The following ELAPOR1 variants were observed in gnomAD, a reference collection of about 807,000 sequenced individuals.
ELAPOR1 encodes the protein endosome-lysosome associated apoptosis and autophagy regulator 1, also known as endosome/lysosome-associated apoptosis and autophagy regulator 1.
Under a neutral mutation model 119.7 loss-of-function variants are expected in ELAPOR1, and 77 were observed. The observed-to-expected ratio is 0.64, with a 90% CI of 0.54 to 0.78. The LOEUF is 0.78. Ranked by LOEUF, ELAPOR1 falls within the 30% of genes least tolerant of loss-of-function variation. The probability of loss-of-function intolerance (pLI) is 0.00; values close to 1 mark genes in which losing one functional copy is unlikely to be tolerated. For missense variants in ELAPOR1, 1,115 were observed against 1,270.4 expected, an observed-to-expected ratio of 0.88 and a Z score of 1.86; for synonymous variants, 481 against 487.2, an observed-to-expected ratio of 0.99 and a Z score of 0.17.
At chr1:109,138,834 C>CAAAAAAAAA (rs150398954) in intron 1 of ELAPOR1, among the ~76,000 whole-genome samples, 56 of 107,240 alleles carry the variant, frequency 5.2e-4, no homozygotes, top group African/African-American at 6.8e-4. Flanking sequence ...AACTCCATCT[C>CAAAAAAAAA]AAAAAAAAAA....
intron 5 of ELAPOR1, among the ~76,000 whole-genome samples, chr1:109,172,855 G>A (rs1266545500): frequency 6.6e-6 from 1 of 152,152 alleles, no homozygotes; most frequent in Non-Finnish European, 1.5e-5. Context: ...AGCACTTTGG[G>A]AGGTCGAGGC....
chr1:109,199,578 C>T lies in ELAPOR1; in HGVS notation c.2502-276C>T, dbSNP rs551660558. Among the ~76,000 whole-genome samples the T allele has an allele frequency of 4.6e-5, 7 of 152,312 alleles. No homozygotes were observed. In the South Asian group the frequency reaches 1.0e-3, roughly 23 times the overall value. On this transcript the variant is annotated intron_variant, in intron 18 of 21. Transcript: ENST00000369939. ...CAAAGGGGTTGATGAGACAGCCATG[C>T]TGGAGCTCAGACACCTTACAATAGC...
chr1:109,168,455 A>G (rs550650190), intron 3 of ELAPOR1, among the ~76,000 whole-genome samples: 116 of 152,296 alleles, frequency 7.6e-4, no homozygotes, highest in African/African-American at 2.7e-3. Context: ...ATAATTGGGG[A>G]CAAAACAGAC....
chr1:109,171,214 G>A (rs1207627720), intron 3 of ELAPOR1, among the ~76,000 whole-genome samples: 3 of 152,190 alleles, frequency 2.0e-5, no homozygotes, highest in South Asian at 2.1e-4. Flanking sequence ...TATAAAGCAC[G>A]TAGTTCAATT....
chr1:109,157,947 G>C (rs974626174), intron 1 of ELAPOR1, among the ~76,000 whole-genome samples: 1 of 152,156 alleles, frequency 6.6e-6, no homozygotes, highest in Non-Finnish European at 1.5e-5. Context: ...GAATGTAGTG[G>C]TACAATCACG....
intron 1 of ELAPOR1, among the ~76,000 whole-genome samples, chr1:109,157,517 G>A (rs1164676827): frequency 6.6e-6 from 1 of 152,140 alleles, no homozygotes; most frequent in East Asian, 1.9e-4. Flanking sequence ...CAAGACTTGA[G>A]CTAGATTTCA....
rs368348180 is a variant in ELAPOR1 at position 109,189,650 on chromosome 1, C to A, written c.1407C>A (p.Phe469Leu). The A allele has an allele frequency of 1.2e-6, 2 of 1,614,026 alleles. No individual in the cohort carries two copies. The highest frequency in any genetic ancestry group is 2.7e-5 in the African/African-American group (2 of 74,926). The change falls in exon 11 of 22, where the codon TTC (phenylalanine) becomes TTA (leucine). Residue 469 changes from phenylalanine (F) to leucine (L), a missense_variant. By Grantham distance (22) the Phe-to-Leu change is conservative. Transcript: ENST00000369939. ...CTGCTGGAGCCTCAGACAATGACTT[C>A]ATGATTCTCACTCTGGTTGTGCCAG... Reference protein sequence around the residue: ...YTAAGASDNDFMILTLVVPGF... With the variant: ...YTAAGASDNDLMILTLVVPGF...
intron 7 of ELAPOR1, among the ~76,000 whole-genome samples, chr1:109,181,456 G>C (rs1652692809): frequency 6.6e-6 from 1 of 152,190 alleles, no homozygotes; most frequent in East Asian, 1.9e-4. Context: ...TGGGAAAGGA[G>C]GTTGGTCTCA....
intron 7 of ELAPOR1, among the ~76,000 whole-genome samples, chr1:109,179,404 G>T (rs1247941114): frequency 1.8e-4 from 20 of 113,414 alleles, no homozygotes; most frequent in Non-Finnish European, 2.4e-4. Flanking sequence ...GTGAGACTCT[G>T]TCTCCAAAAA....
At chr1:109,139,276 G>A in intron 1 of ELAPOR1, among the ~76,000 whole-genome samples, 1 of 152,014 alleles carries the variant, frequency 6.6e-6, no homozygotes. Context: ...CTTGGGCTGT[G>A]GCTACCATGA....
Position 109,198,615 on chromosome 1 carries a change from C to A in ELAPOR1, c.2442C>A (p.Thr814=). ...VTQSCSSGRS[T]TIRVRCSPQK... ...AGTCCTGCAGTTCTGGGAGATCAAC[C>A]ACCATCCGCGTCAGGTGCAGTCCAC... The change falls in exon 18 of 22, where the codon ACC becomes ACA. Residue 814 remains threonine (T), a synonymous_variant. Transcript: ENST00000369939. 2 of 1,613,982 alleles carry A rather than the reference C, an allele frequency of 1.2e-6. No individual in the cohort carries two copies. Among genetic ancestry groups the A allele is most frequent in the Non-Finnish European group, 1.7e-6 (2 of 1,179,962 alleles).
Position 109,206,530 on chromosome 1 carries a change from G to GT in ELAPOR1, c.*3523dup, listed in dbSNP as rs1654504487. The GT allele has an allele frequency of 6.6e-6, 1 of 152,082 alleles. No individual in the cohort carries two copies. The highest frequency in any genetic ancestry group is 2.4e-5 in the African/African-American group (1 of 41,400). 9.4% of individuals were successfully genotyped at this position (152,082 alleles called of 1,614,324 possible). A position where few individuals can be genotyped will look rare whatever the true frequency, so the allele number is the denominator to read the frequency against. On this transcript the variant is annotated 3_prime_UTR_variant, in exon 22 of 22. Coordinates refer to ENST00000369939, the MANE Select transcript of ELAPOR1 (RefSeq NM_020775.5). ...GATTGTGGTGTATTCAAGCAGTAGG[G>GT]TTTTTGCTTTTGTTTTTGTTTTAGT...
At chr1:109,143,953 T>C (rs1328805728) in intron 1 of ELAPOR1, among the ~76,000 whole-genome samples, 1 of 150,604 alleles carries the variant, frequency 6.6e-6, no homozygotes, top group East Asian at 1.9e-4. Context: ...GAGCCACTGC[T>C]CTTGGCCTAA....
intron 7 of ELAPOR1, among the ~76,000 whole-genome samples, chr1:109,179,850 G>T (rs950756305): frequency 6.6e-6 from 1 of 151,016 alleles, no homozygotes; most frequent in African/African-American, 2.4e-5. Flanking sequence ...AGGTTGCAGT[G>T]AGCCGAGATC....
intron 7 of ELAPOR1, among the ~76,000 whole-genome samples, chr1:109,175,450 C>T (rs904384054): frequency 6.6e-6 from 1 of 151,418 alleles, no homozygotes; most frequent in African/African-American, 2.4e-5. Flanking sequence ...GATCTGCCCA[C>T]CTCGGCCTCC....
intron 3 of ELAPOR1, among the ~76,000 whole-genome samples, chr1:109,169,400 C>T (rs960150328): frequency 1.3e-5 from 2 of 152,022 alleles, no homozygotes; most frequent in African/African-American, 4.8e-5. Flanking sequence ...CCACAACACC[C>T]AGCTAATTTT....
chr1:109,114,429 C>T (rs1007824576), intron 1 of ELAPOR1, 93 bp downstream of exon 1: 2 of 1,382,350 alleles, frequency 1.4e-6, no homozygotes, highest in Non-Finnish European at 1.9e-6. Context: ...GAGTTTCAGA[C>T]GCCACGGAGT....
chr1:109,199,835 C>G lies in ELAPOR1; in HGVS notation c.2502-19C>G. 6.2e-7 allele frequency: 1 copy of G among 1,608,348 alleles called. No individual in the cohort carries two copies. The highest frequency in any genetic ancestry group is 8.5e-7 in the Non-Finnish European group (1 of 1,179,906). On this transcript the variant is annotated intron_variant, in intron 18 of 21. Coordinates refer to ENST00000369939, the MANE Select transcript of ELAPOR1 (RefSeq NM_020775.5). ...CCCTCCAGCGAGTGAGAGCTCAGGT[C>G]TCTTTTCTGCTTTGCTAGAACGTGC...
intron 1 of ELAPOR1, among the ~76,000 whole-genome samples, chr1:109,144,062 T>TATATATA (rs1296463049): frequency 1.4e-4 from 5 of 36,530 alleles, no homozygotes; most frequent in South Asian, 1.4e-3. Flanking sequence ...TATTTATATA[T>TATATATA]TTTTTTTTTT....
Sources: gnomAD v4.1 joint callset for allele counts (sites outside exome capture counted in the v4.1 genomes callset) on GRCh38, gnomAD v4.1.1 for gene constraint, MANE v1.5 for transcripts, NCBI Gene and HGNC (gene_info 2026-07-23, HGNC 2026-07-21) for gene names.